The following SLCO5A1 variants were observed in gnomAD, a reference collection of about 807,000 sequenced individuals.
SLCO5A1 encodes the protein solute carrier organic anion transporter family member 5A1, also known as organic anion transporter polypeptide-related protein 4.
SLCO5A1 carries 39 observed loss-of-function variants against 65.1 expected under a neutral mutation model. That is an observed-to-expected ratio of 0.60 (90% CI 0.46 to 0.78). The LOEUF is 0.78. SLCO5A1 is among the 30% of genes least tolerant of loss of function. The probability of loss-of-function intolerance (pLI) is 0.00; values close to 1 mark genes in which losing one functional copy is unlikely to be tolerated. For synonymous variants in SLCO5A1, 438 were observed against 415.7 expected (o/e 1.05, Z -0.65); for missense variants, 1,029 against 1,069.4 (o/e 0.96, Z 0.53).
chr8:69,800,990 A>G (rs149489398), intron 2 of SLCO5A1, among the ~76,000 whole-genome samples: 48 of 152,300 alleles, frequency 3.2e-4, no homozygotes, highest in African/African-American at 1.2e-3. Flanking sequence ...TTGTGAACAG[A>G]TAATAATGGA....
intron 3 of SLCO5A1, among the ~76,000 whole-genome samples, chr8:69,757,011 C>T (rs556302497): frequency 1.1e-4 from 17 of 152,174 alleles, no homozygotes; most frequent in Non-Finnish European, 1.6e-4. Flanking sequence ...TAAGTATTAA[C>T]GCTGAATTCA....
rs565750533 is a variant in SLCO5A1 at position 69,672,469 on chromosome 8, T to C, written c.*400A>G. ...TAGCAGAACTCACAGTAGGTGTTCA[T>C]ATCTAAAAACTTTGATTTGGAAATG... is the stretch of plus-strand genomic sequence containing the variant. On this transcript the variant is annotated 3_prime_UTR_variant, in exon 10 of 10. Transcript: ENST00000260126. 2.1e-5 allele frequency: 4 copies of C among 191,662 alleles called. No individual in the cohort carries two copies. The East Asian group carries it at 4.9e-4, about 23-fold the overall frequency. 11.9% of individuals were successfully genotyped at this position (191,662 alleles called of 1,614,324 possible). A position where few individuals can be genotyped will look rare whatever the true frequency, so the allele number is the denominator to read the frequency against.
chr8:69,768,926 G>A (rs1428143997), intron 2 of SLCO5A1, among the ~76,000 whole-genome samples: 3 of 152,068 alleles, frequency 2.0e-5, no homozygotes, highest in African/African-American at 4.8e-5. Context: ...CTTGACCACA[G>A]CCTGCCTCCC....
chr8:69,809,676 T>G (rs1183074557), intron 2 of SLCO5A1, among the ~76,000 whole-genome samples: 1 of 151,772 alleles, frequency 6.6e-6, no homozygotes, highest in Non-Finnish European at 1.5e-5. Flanking sequence ...TGATTATGAT[T>G]ATTATTATTA....
At chr8:69,680,474 T>C (rs565940036) in intron 7 of SLCO5A1, among the ~76,000 whole-genome samples, 4 of 152,320 alleles carry the variant, frequency 2.6e-5, no homozygotes, top group African/African-American at 9.6e-5. Flanking sequence ...TTTATTCTTT[T>C]TTATGGCTGT....
At chr8:69,763,906 C>A (rs2130866469) in intron 2 of SLCO5A1, among the ~76,000 whole-genome samples, 1 of 152,100 alleles carries the variant, frequency 6.6e-6, no homozygotes, top group East Asian at 1.9e-4. Flanking sequence ...TCTCTGTCGC[C>A]CAGGCTGGAG....
In SLCO5A1 at chr8:69,696,808, G is replaced by T. The variant is rs545096722; in HGVS notation, c.1622+8223C>A. On this transcript the variant is annotated intron_variant, in intron 6 of 9. Coordinates refer to ENST00000260126, the MANE Select transcript of SLCO5A1 (RefSeq NM_030958.3). Reference sequence around the variant, plus strand: ...GTTAAAAGAAAGATCCTAATTATATGTGCAGAGAGATCTGAGAAGACATTA... The same window carrying T: ...GTTAAAAGAAAGATCCTAATTATATTTGCAGAGAGATCTGAGAAGACATTA... Among the ~76,000 whole-genome samples, 55 of 152,246 alleles carry T rather than the reference G, an allele frequency of 3.6e-4. 2 individuals are homozygous for T. In the South Asian group the frequency reaches 0.011, roughly 30 times the overall value.
At chr8:69,787,019 C>T (rs1490973209) in intron 2 of SLCO5A1, among the ~76,000 whole-genome samples, 2 of 152,176 alleles carry the variant, frequency 1.3e-5, no homozygotes, top group Non-Finnish European at 2.9e-5. Flanking sequence ...CTGTTTGTAA[C>T]CCAGGGCTGA....
chr8:69,809,721 T>G (rs1391270711), intron 2 of SLCO5A1, among the ~76,000 whole-genome samples: 1 of 150,448 alleles, frequency 6.6e-6, no homozygotes, highest in African/African-American at 2.5e-5. Flanking sequence ...CAGCTACCGA[T>G]CTAAGGAGTG....
Position 69,668,872 on chromosome 8 carries a change from C to A in SLCO5A1, c.*3997G>T, listed in dbSNP as rs934530238. 2.6e-5 allele frequency: 4 copies of A among 152,086 alleles called. No individual in the cohort carries two copies. Among genetic ancestry groups the A allele is most frequent in the African/African-American group, 4.8e-5 (2 of 41,388 alleles). 9.4% of individuals were successfully genotyped at this position (152,086 alleles called of 1,614,324 possible). On this transcript the variant is annotated 3_prime_UTR_variant, in exon 10 of 10. Coordinates refer to ENST00000260126, the MANE Select transcript of SLCO5A1 (RefSeq NM_030958.3). ...ACAATGTCACAGCGACTAAAGGGAA[C>A]AATCGGGATCAGTGGTTTGATATGT...
At chr8:69,825,246 C>T (rs1820823078) in intron 2 of SLCO5A1, among the ~76,000 whole-genome samples, 1 of 152,186 alleles carries the variant, frequency 6.6e-6, no homozygotes, top group African/African-American at 2.4e-5. Context: ...CTCACCACTC[C>T]TATTCAACAT....
chr8:69,725,608 T>C (rs1382684330), intron 5 of SLCO5A1, among the ~76,000 whole-genome samples: 3 of 152,104 alleles, frequency 2.0e-5, no homozygotes, highest in Non-Finnish European at 4.4e-5. Context: ...TCAGAGGATT[T>C]TGTAAGTCGT....
At chr8:69,821,463 G>A (rs1820637369) in intron 2 of SLCO5A1, among the ~76,000 whole-genome samples, 1 of 150,692 alleles carries the variant, frequency 6.6e-6, no homozygotes, top group Non-Finnish European at 1.5e-5. Context: ...AGGAGAGGGA[G>A]CAGGAGAAGA....
At chr8:69,789,199 A>G (rs1038540050) in intron 2 of SLCO5A1, among the ~76,000 whole-genome samples, 1 of 152,196 alleles carries the variant, frequency 6.6e-6, no homozygotes, top group Non-Finnish European at 1.5e-5. Flanking sequence ...CATCACCTTC[A>G]GCCAATCTAC....
At chr8:69,706,055 A>T (rs1814955192) in intron 5 of SLCO5A1, among the ~76,000 whole-genome samples, 1 of 152,234 alleles carries the variant, frequency 6.6e-6, no homozygotes, top group African/African-American at 2.4e-5. Flanking sequence ...TAAATATATC[A>T]TATATGGTAT....
At chr8:69,823,637 T>C (rs1184466397) in intron 2 of SLCO5A1, among the ~76,000 whole-genome samples, 1 of 151,962 alleles carries the variant, frequency 6.6e-6, no homozygotes. Context: ...AAGTCCTGAG[T>C]GACCTACAAA....
At chr8:69,706,823 C>G (rs1814990774) in intron 5 of SLCO5A1, among the ~76,000 whole-genome samples, 2 of 152,118 alleles carry the variant, frequency 1.3e-5, no homozygotes, top group Admixed American at 1.3e-4. Flanking sequence ...GTTTAATGTA[C>G]TTCTGGGTAT....
At chr8:69,765,855 T>C (rs1426061919) in intron 2 of SLCO5A1, among the ~76,000 whole-genome samples, 1 of 152,136 alleles carries the variant, frequency 6.6e-6, no homozygotes, top group African/African-American at 2.4e-5. Flanking sequence ...TACCTATTCT[T>C]CAAGGTCCAA....
chr8:69,727,765 G>C (rs13253141), intron 5 of SLCO5A1, among the ~76,000 whole-genome samples: 2,579 of 152,268 alleles, frequency 0.017, 83 homozygotes, highest in African/African-American at 0.058. Context: ...TCATTCTTTT[G>C]ATCTTTATAA....
Sources: allele counts gnomAD v4.1 joint callset (sites outside exome capture counted in the v4.1 genomes callset), GRCh38; gene constraint gnomAD v4.1.1; transcripts MANE v1.5; gene names NCBI Gene and HGNC (gene_info 2026-07-23, HGNC 2026-07-21).